Variants in TAB2 observed in about 807,000 individuals in gnomAD.
TAB2 encodes the protein TGF-beta activated kinase 1 (MAP3K7) binding protein 2.
A neutral mutation model predicts 65.0 loss-of-function variants in TAB2; 3 were observed. That is an observed-to-expected ratio of 0.05 (90% confidence interval 0.02 to 0.12). TAB2 has a LOEUF of 0.12. Ranked by LOEUF, TAB2 falls within the 10% of genes least tolerant of loss-of-function variation. TAB2 has a pLI of 1.00. For missense variants in TAB2, 623 were observed against 840.3 expected (o/e 0.74, Z 3.20); for synonymous variants, 298 against 285.1 (o/e 1.05, Z -0.46).
intron 1 of TAB2, chr6:149,342,768 T>C (rs1780169733): frequency 6.6e-6 from 1 of 152,212 alleles, no homozygotes; most frequent in South Asian, 2.1e-4. Flanking sequence ...ATTAACAATT[T>C]GTAAGCTGCA....
intron 1 of TAB2, among the ~76,000 whole-genome samples, chr6:149,348,591 A>G (rs1477430474): frequency 6.6e-6 from 1 of 151,368 alleles, no homozygotes; most frequent in African/African-American, 2.4e-5. Context: ...AAAGTCACAC[A>G]AAAAAACACA....
At position 149,242,542 on chromosome 6, in the gene TAB2, A is replaced by G. The variant is rs138556867; in HGVS notation, c.-121+23766A>G. ...ATTGAAGACTTCATGACTGTCCCACAATACCCCAAAAGAGGCATTTCCTCT... is the reference window on the plus strand; with the variant it reads ...ATTGAAGACTTCATGACTGTCCCACGATACCCCAAAAGAGGCATTTCCTCT... On this transcript the variant is annotated intron_variant, in intron 1 of 1. Transcript: ENST00000606202. 4.7e-3 allele frequency among the ~76,000 whole-genome samples: 720 copies of G among 152,316 alleles called. 4 individuals carry two copies. Among genetic ancestry groups the G allele is most frequent in the African/African-American group, 0.017 (688 of 41,564 alleles).
chr6:149,326,271 CAAAA>C (rs59070515), intron 1 of TAB2, among the ~76,000 whole-genome samples: 3 of 124,990 alleles, frequency 2.4e-5, no homozygotes, highest in African/African-American at 3.0e-5. Flanking sequence ...GACCCCATCT[CAAAA>C]AAAAAAAAAA....
chr6:149,317,161 C>T (rs565787982), upstream of TAB2, among the ~76,000 whole-genome samples: 33 of 152,128 alleles, frequency 2.2e-4, no homozygotes, highest in Admixed American at 2.0e-3. The surrounding 1 kb of genome is among the most constrained non-coding windows in gnomAD (Gnocchi z 4.7). Context: ...AGCTCAGTTC[C>T]TTTCTTCCCT....
At chr6:149,338,329 C>G (rs1171843641) in intron 1 of TAB2, among the ~76,000 whole-genome samples, 1 of 152,104 alleles carries the variant, frequency 6.6e-6, no homozygotes, top group African/African-American at 2.4e-5. Context: ...TATTTCAGAA[C>G]TATGGAAGTA....
chr6:149,295,930 C>T (rs1778870401), intron 1 of TAB2, among the ~76,000 whole-genome samples: 1 of 152,130 alleles, frequency 6.6e-6, no homozygotes, highest in South Asian at 2.1e-4. Context: ...TACTACTACA[C>T]CCGGCTAATT....
Position 149,409,707 on chromosome 6 carries a change from A to G in TAB2, c.2070A>G (p.Pro690=). 1 of 1,614,158 alleles carries G rather than the reference A, an allele frequency of 6.2e-7. No homozygotes were observed. Among genetic ancestry groups the G allele is most frequent in the Non-Finnish European group, 8.5e-7 (1 of 1,179,984 alleles). The stretch of plus-strand genomic sequence containing the variant: ...TTCGCTGTGAACAGTGTGAGATGCC[A>G]AGGCATTTCTGAGCCAAATGGCCCT... The part of the protein sequence containing the change: ...ALIRCEQCEM[P]RHF The change falls in exon 7 of 7, where the codon CCA becomes CCG. Residue 690 remains proline, a synonymous_variant. Coordinates refer to ENST00000637181, the MANE Select transcript of TAB2 (RefSeq NM_001292034.3).
chr6:149,361,509 C>G (rs942844313), intron 1 of TAB2, among the ~76,000 whole-genome samples: 1 of 152,200 alleles, frequency 6.6e-6, no homozygotes, highest in African/African-American at 2.4e-5. Context: ...TTATTTCCTC[C>G]TGGTTTCTGA....
chr6:149,331,249 A>G (rs1779774065), intron 1 of TAB2, among the ~76,000 whole-genome samples: 1 of 152,032 alleles, frequency 6.6e-6, no homozygotes, highest in Non-Finnish European at 1.5e-5. Context: ...AGCATTTTTT[A>G]GTTTCTAGCA....
chr6:149,407,753 T>C (rs1372569291), intron 6 of TAB2, among the ~76,000 whole-genome samples: 1 of 151,920 alleles, frequency 6.6e-6, no homozygotes, highest in African/African-American at 2.4e-5. Context: ...ATTTTGGTTA[T>C]TTAGTTTCCG....
At chr6:149,371,026 A>C (rs762994988) in intron 2 of TAB2, among the ~76,000 whole-genome samples, 1 of 137,810 alleles carries the variant, frequency 7.3e-6, no homozygotes, top group Non-Finnish European at 1.5e-5. Flanking sequence ...GGATCGCGCC[A>C]CTACACTCCA....
At chr6:149,326,428 T>C (rs1779620828) in intron 1 of TAB2, among the ~76,000 whole-genome samples, 1 of 152,220 alleles carries the variant, frequency 6.6e-6, no homozygotes, top group African/African-American at 2.4e-5. Context: ...ATGCAATCTG[T>C]AAAATAAAAC....
At chr6:149,317,420 C>CGCA (rs1554258336), upstream of TAB2, 73 of 5,030 alleles carry the variant, frequency 0.015, no homozygotes, top group Middle Eastern at 0.25. This position sits in a 1 kb window ranked among gnomAD's most constrained non-coding sequence, Gnocchi z 4.7. Context: ...CAGCCGCAGC[C>CGCA]GCCGCCGCCG....
At chr6:149,292,332 A>T (rs766713560) in intron 1 of TAB2, among the ~76,000 whole-genome samples, 16 of 152,210 alleles carry the variant, frequency 1.1e-4, no homozygotes, top group Non-Finnish European at 1.9e-4. Flanking sequence ...ACTCTTTCAT[A>T]ATCAGGAGTG....
intron 5 of TAB2, 65 bp from the exon 6 acceptor site, chr6:149,399,038 TG>T: frequency 1.5e-6 from 2 of 1,368,126 alleles, no homozygotes; most frequent in South Asian, 2.4e-5. Context: ...AAGAAATACT[TG>T]TTTTAAAAAG....
At chr6:149,291,585 G>A (rs1778778426) in intron 1 of TAB2, 1 of 152,482 alleles carries the variant, frequency 6.6e-6, no homozygotes, top group Non-Finnish European at 1.5e-5. Context: ...ACCGGCCTGG[G>A]TGCAGTGGCT....
At chr6:149,304,881 A>ATCT (rs1779034272) in intron 1 of TAB2, among the ~76,000 whole-genome samples, 1 of 152,178 alleles carries the variant, frequency 6.6e-6, no homozygotes, top group African/African-American at 2.4e-5. Context: ...ATGACATAGT[A>ATCT]TCTTCATATC....
intron 6 of TAB2, among the ~76,000 whole-genome samples, chr6:149,399,569 C>T (rs3180968): frequency 6.7e-6 from 1 of 149,186 alleles, no homozygotes; most frequent in Admixed American, 6.7e-5. Flanking sequence ...TTATATATAA[C>T]TTTAAGTAAT....
intron 1 of TAB2, among the ~76,000 whole-genome samples, chr6:149,299,532 A>G (rs1201715051): frequency 6.6e-6 from 1 of 152,228 alleles, no homozygotes; most frequent in African/African-American, 2.4e-5. Context: ...AGATCGCTCT[A>G]CTGCACTCCA....
Sources: gnomAD v4.1 joint callset for allele counts (sites outside exome capture counted in the v4.1 genomes callset) on GRCh38, gnomAD v4.1.1 for gene constraint, Gnocchi (gnomAD v3.1) non-coding constraint, MANE v1.5 for transcripts, NCBI Gene and HGNC (gene_info 2026-07-23, HGNC 2026-07-21) for gene names.